CENPN: variants seen among roughly 807,000 people sequenced by gnomAD.
CENPN encodes the protein centromere protein N.
A neutral mutation model predicts 48.6 loss-of-function variants in CENPN; 36 were observed. The ratio of observed to expected loss-of-function variants is 0.74; its 90% confidence interval spans 0.57 to 0.98. The LOEUF is 0.98. CENPN is among the 50% of genes least tolerant of loss of function. CENPN has a pLI of 0.00. For missense variants in CENPN, 439 were observed against 399.2 expected, an observed-to-expected ratio of 1.10 and a Z score of -0.85; for synonymous variants, 166 against 135.2, an observed-to-expected ratio of 1.23 and a Z score of -1.58.
chr16:81,024,083 A>C (rs375264780), intron 7 of CENPN: 4 of 151,854 alleles, frequency 2.6e-5, no homozygotes, highest in East Asian at 3.9e-4. Flanking sequence ...TCTGTCTCAA[A>C]AAAAAAAGTA....
intron 7 of CENPN, chr16:81,022,900 A>G: frequency 6.3e-7 from 1 of 1,599,340 alleles, no homozygotes; most frequent in East Asian, 2.2e-5. Context: ...ATTGTGTTTT[A>G]TACCACTCAT....
chr16:81,024,765 A>T lies in CENPN; in HGVS notation c.684A>T (p.Gly228=). The change falls in exon 8 of 11, where the codon GGA becomes GGT. Residue 228 remains glycine, a synonymous_variant. Transcript: ENST00000305850. ...STTPLQERSL[G]LDINMDSRII... is the part of the protein sequence containing the mutation. ...CACCTCTACAGGAAAGAAGCCTTGG[A>T]CTAGATATAAATAGTACGTGTGTGT... The T allele has an allele frequency of 6.2e-7, 1 of 1,607,618 alleles. No homozygotes were observed. Among genetic ancestry groups the T allele is most frequent in the Non-Finnish European group, 8.5e-7 (1 of 1,175,174 alleles).
chr16:81,011,519 A>G (rs1164617652), intron 1 of CENPN, among the ~76,000 whole-genome samples: 1 of 152,258 alleles, frequency 6.6e-6, no homozygotes, highest in Non-Finnish European at 1.5e-5. Flanking sequence ...AATGATTTAT[A>G]TATCATCACC....
rs150771166 is a variant in CENPN, at chr16:81,029,995, T to C, written c.*1344T>C. On this transcript the variant is annotated 3_prime_UTR_variant, in exon 11 of 11. Transcript: ENST00000305850. ...GGTGGAAGGCAAATGAGAAGCAAAGTCATGTCTTACATGGCGGCAGGCAAG... is the reference window on the plus strand; with the variant it reads ...GGTGGAAGGCAAATGAGAAGCAAAGCCATGTCTTACATGGCGGCAGGCAAG... 3.6e-3 allele frequency among the ~76,000 whole-genome samples: 554 copies of C among 152,302 alleles called. 3 individuals are homozygous for C. Among genetic ancestry groups the C allele is most frequent in the Non-Finnish European group, 5.8e-3 (396 of 68,030 alleles).
chr16:81,024,125 A>C (rs1050156098), intron 7 of CENPN: 10 of 152,152 alleles, frequency 6.6e-5, no homozygotes, highest in African/African-American at 2.4e-4. Context: ...CTATAGTCCC[A>C]GCTACCTGGG....
intron 8 of CENPN, among the ~76,000 whole-genome samples, chr16:81,026,061 A>ATGTGTGTGTGTG (rs1970454412): frequency 2.4e-5 from 1 of 41,866 alleles, no homozygotes; most frequent in African/African-American, 6.1e-5. Context: ...AGATATATAT[A>ATGTGTGTGTGTG]TATATATATG....
At chr16:81,012,408 A>G (rs570799386) in intron 2 of CENPN, among the ~76,000 whole-genome samples, 39 of 152,324 alleles carry the variant, frequency 2.6e-4, no homozygotes, top group African/African-American at 8.9e-4. Flanking sequence ...ATTATCAAGG[A>G]TGAAAAGACA....
At chr16:81,008,629 G>GTT (rs1969599102) in intron 1 of CENPN, among the ~76,000 whole-genome samples, 1 of 152,066 alleles carries the variant, frequency 6.6e-6, no homozygotes, top group Admixed American at 6.5e-5. Context: ...CGCCCGGCGC[G>GTT]CTCCCGGCCC....
intron 3 of CENPN, 111 bp from the exon 4 acceptor site, chr16:81,017,215 A>G: frequency 2.7e-6 from 2 of 733,160 alleles, no homozygotes; most frequent in Non-Finnish European, 4.7e-6. Flanking sequence ...GTATAACTCA[A>G]TTTGTGAATT....
intron 8 of CENPN, among the ~76,000 whole-genome samples, chr16:81,025,109 G>A (rs1419509526): frequency 2.6e-5 from 4 of 151,420 alleles, no homozygotes; most frequent in African/African-American, 4.9e-5. Context: ...GTGAATAAGC[G>A]CCATTCATCA....
chr16:81,020,474 G>T, intron 6 of CENPN, 198 bp downstream of exon 6: 1 of 445,168 alleles, frequency 2.2e-6, no homozygotes, highest in South Asian at 5.9e-5. Context: ...CGTGAGCTGC[G>T]ATCACAAGAC....
At chr16:81,028,347 C>G (rs1970608874) in intron 10 of CENPN, 50 bp downstream of exon 10, 5 of 1,599,504 alleles carry the variant, frequency 3.1e-6, no homozygotes, top group Non-Finnish European at 4.3e-6. Flanking sequence ...AACATGCCTC[C>G]ATTCCATCCT....
At chr16:81,018,836 C>G (rs183203513) in intron 5 of CENPN, among the ~76,000 whole-genome samples, 1 of 152,278 alleles carries the variant, frequency 6.6e-6, no homozygotes, top group Non-Finnish European at 1.5e-5. Flanking sequence ...CCCACTTTTC[C>G]TAGAACAAGA....
intron 6 of CENPN, among the ~76,000 whole-genome samples, chr16:81,020,740 C>T (rs191489973): frequency 1.3e-5 from 2 of 152,140 alleles, no homozygotes; most frequent in African/African-American, 4.8e-5. Context: ...CTATTCCGTT[C>T]GTTCAAAATA....
At chr16:81,009,435 G>T (rs1192911735) in intron 1 of CENPN, among the ~76,000 whole-genome samples, 1 of 152,146 alleles carries the variant, frequency 6.6e-6, no homozygotes, top group East Asian at 1.9e-4. Flanking sequence ...TTGGAGCTCA[G>T]AAAACCAAGG....
chr16:81,011,606 A>G (rs375084243), intron 1 of CENPN, among the ~76,000 whole-genome samples: 1 of 152,232 alleles, frequency 6.6e-6, no homozygotes, highest in East Asian at 1.9e-4. Context: ...TTAAATATAC[A>G]TTAAGGAGAA....
At chr16:81,022,844 A>G in intron 7 of CENPN, 146 bp downstream of exon 7, 4 of 1,612,812 alleles carry the variant, frequency 2.5e-6, no homozygotes, top group Non-Finnish European at 1.7e-6. Flanking sequence ...ATTAGTGAAC[A>G]TGAAAGGAAA....
At chr16:81,032,543 T>C (rs1252750394), downstream of CENPN, 13 of 1,562,074 alleles carry the variant, frequency 8.3e-6, no homozygotes, top group Middle Eastern at 5.0e-4. Flanking sequence ...TTTTATCAGT[T>C]GATTTTCAGT....
intron 4 of CENPN, 22 bp downstream of exon 4, chr16:81,017,407 T>C: frequency 1.3e-6 from 2 of 1,496,568 alleles, no homozygotes; most frequent in Non-Finnish European, 1.9e-6. Flanking sequence ...TGTTTACAAT[T>C]GAATATTTGA....
Sources: gnomAD v4.1 joint callset for allele counts (sites outside exome capture counted in the v4.1 genomes callset) on GRCh38, gnomAD v4.1.1 for gene constraint, MANE v1.5 for transcripts, NCBI Gene and HGNC (gene_info 2026-07-23, HGNC 2026-07-21) for gene names.